PRKN: variants seen among roughly 807,000 people sequenced by gnomAD.
PRKN encodes the protein parkin RBR E3 ubiquitin protein ligase.
A neutral mutation model predicts 59.5 loss-of-function variants in PRKN; 56 were observed. The observed-to-expected ratio is 0.94, with a 90% CI of 0.76 to 1.18. The LOEUF is 1.18. Among genes scored for constraint, PRKN ranks in the 50% most tolerant of loss-of-function variants. The probability of loss-of-function intolerance (pLI) is 0.00; values close to 1 mark genes in which losing one functional copy is unlikely to be tolerated. For synonymous variants in PRKN, 250 were observed against 222.1 expected, an observed-to-expected ratio of 1.13 and a Z score of -1.12; for missense variants, 657 against 596.4, an observed-to-expected ratio of 1.10 and a Z score of -1.06.
intron 2 of PRKN, among the ~76,000 whole-genome samples, chr6:162,404,574 GT>G (rs1787968260): frequency 7.0e-6 from 1 of 141,970 alleles, no homozygotes; most frequent in African/African-American, 3.1e-5. Context: ...TTTTTGGTTT[GT>G]TTGTTTCACT....
chr6:161,888,525 G>A (rs1795233777), intron 6 of PRKN, among the ~76,000 whole-genome samples: 1 of 152,154 alleles, frequency 6.6e-6, no homozygotes, highest in Admixed American at 6.5e-5. Context: ...ATCTCTGGGA[G>A]TTGCTCTTGC....
intron 9 of PRKN, among the ~76,000 whole-genome samples, chr6:161,422,181 G>A (rs1366732176): frequency 6.7e-6 from 1 of 150,194 alleles, no homozygotes; most frequent in African/African-American, 2.5e-5. Flanking sequence ...ACCGACTAAG[G>A]AAACACAAAT....
chr6:162,448,206 A>G (rs1239918318), intron 1 of PRKN, among the ~76,000 whole-genome samples: 1 of 152,026 alleles, frequency 6.6e-6, no homozygotes. Context: ...CGGCAACACA[A>G]AAGTAACTCC....
intron 2 of PRKN, among the ~76,000 whole-genome samples, chr6:162,310,253 G>A (rs76577973): frequency 0.017 from 2,572 of 152,174 alleles, 75 homozygotes; most frequent in African/African-American, 0.058. Flanking sequence ...CTGATCCACC[G>A]TCTCATGTCC....
At chr6:161,777,491 G>A (rs1014013328) in intron 7 of PRKN, among the ~76,000 whole-genome samples, 2 of 151,568 alleles carry the variant, frequency 1.3e-5, no homozygotes, top group South Asian at 2.1e-4. Context: ...AAAACTAGAC[G>A]ATGGAAACAG....
At chr6:162,526,917 T>A (rs1199814510) in intron 1 of PRKN, among the ~76,000 whole-genome samples, 1 of 152,092 alleles carries the variant, frequency 6.6e-6, no homozygotes, top group Admixed American at 6.6e-5. Flanking sequence ...GATGGGTCAC[T>A]CCCTAAGTAT....
chr6:162,203,691 A>G (rs139172031), intron 3 of PRKN, among the ~76,000 whole-genome samples: 3 of 152,310 alleles, frequency 2.0e-5, no homozygotes, highest in African/African-American at 7.2e-5. Flanking sequence ...GGCAATTCCA[A>G]AAATGACCTG....
intron 6 of PRKN, among the ~76,000 whole-genome samples, chr6:161,837,229 T>A (rs1441473980): frequency 1.3e-5 from 2 of 151,824 alleles, no homozygotes; most frequent in African/African-American, 4.8e-5. Context: ...TGGAAAATGG[T>A]GTTGTCTGAA....
rs953015441 is a variant in PRKN at position 162,449,869 on chromosome 6, GA to G, written c.8-6397del. 3.6e-4 allele frequency among the ~76,000 whole-genome samples: 55 copies of G among 152,140 alleles called. 1 individual carries two copies. In the Middle Eastern group the frequency reaches 0.01, roughly 28 times the overall value. On this transcript the variant is annotated intron_variant, in intron 1 of 11. Coordinates refer to ENST00000366898, the MANE Select transcript of PRKN (RefSeq NM_004562.3). ...GATTCTTGAAAAGCCATAGAAGAGT[GA>G]ACAAAAAAAATGAAGATTTCTAGTT... is the stretch of plus-strand genomic sequence containing the variant.
Position 161,561,268 on chromosome 6 carries a change from T to C in PRKN, c.933+8087A>G, listed in dbSNP as rs1045086407. On this transcript the variant is annotated intron_variant, in intron 8 of 11. Coordinates refer to ENST00000366898, the MANE Select transcript of PRKN (RefSeq NM_004562.3). This position sits in a 1 kb window ranked among gnomAD's most constrained non-coding sequence, Gnocchi z 5.0. ...ATAATTAGTAGAATTAGGATAACAG[T>C]GAAGTAGTTATAGAAGAAAATGAAT... Among the ~76,000 whole-genome samples, 2 of 152,194 alleles carry C rather than the reference T, an allele frequency of 1.3e-5. No individual in the cohort carries two copies. The highest frequency in any genetic ancestry group is 2.9e-5 in the Non-Finnish European group (2 of 68,034).
intron 7 of PRKN, among the ~76,000 whole-genome samples, chr6:161,636,336 G>T (rs1582924218): frequency 6.6e-6 from 1 of 152,254 alleles, no homozygotes; most frequent in African/African-American, 2.4e-5. Flanking sequence ...GGGCCAGAGG[G>T]CAGGAGCAGC....
intron 4 of PRKN, among the ~76,000 whole-genome samples, chr6:162,158,420 T>TGG (rs765336566): frequency 0.04 from 3,144 of 78,374 alleles, 71 homozygotes; most frequent in Middle Eastern, 0.053. Flanking sequence ...GTTTGCGTTT[T>TGG]TTTTTTTTTT....
chr6:162,088,426 C>G (rs1779342880), intron 4 of PRKN, among the ~76,000 whole-genome samples: 2 of 152,064 alleles, frequency 1.3e-5, no homozygotes, highest in Admixed American at 1.3e-4. Flanking sequence ...GATATTTTGT[C>G]AATTTTCTAA....
intron 3 of PRKN, among the ~76,000 whole-genome samples, chr6:162,216,884 A>C (rs1323386427): frequency 6.6e-6 from 1 of 152,176 alleles, no homozygotes. Flanking sequence ...TTTGGGGGTA[A>C]AATCAGGGTT....
chr6:162,127,411 A>C (rs1781168396), intron 4 of PRKN, among the ~76,000 whole-genome samples: 1 of 152,244 alleles, frequency 6.6e-6, no homozygotes, highest in African/African-American at 2.4e-5. Context: ...TGCAAACCAA[A>C]GGAAACTTAA....
chr6:162,633,036 T>A (rs187900663), intron 1 of PRKN, among the ~76,000 whole-genome samples: 27 of 152,264 alleles, frequency 1.8e-4, no homozygotes, highest in Admixed American at 1.2e-3. Flanking sequence ...TTATACTTTA[T>A]GCATGTATTA....
chr6:162,136,255 C>T (rs1418696608), intron 4 of PRKN, among the ~76,000 whole-genome samples: 1 of 151,862 alleles, frequency 6.6e-6, no homozygotes, highest in Non-Finnish European at 1.5e-5. Flanking sequence ...AAAGGAACAT[C>T]CAGGAAAAAC....
intron 2 of PRKN, among the ~76,000 whole-genome samples, chr6:162,384,756 C>T (rs565581778): frequency 2.0e-5 from 3 of 151,478 alleles, no homozygotes; most frequent in Non-Finnish European, 2.9e-5. Flanking sequence ...ATTTATTACA[C>T]GCTGCATTTC....
chr6:161,597,608 G>A (rs1037761566), intron 7 of PRKN, among the ~76,000 whole-genome samples: 2 of 147,618 alleles, frequency 1.4e-5, no homozygotes, highest in Non-Finnish European at 3.1e-5. Flanking sequence ...CTCCACCCCC[G>A]ACTCTCTCTC....
Sources: allele counts gnomAD v4.1 joint callset (sites outside exome capture counted in the v4.1 genomes callset), GRCh38; gene constraint gnomAD v4.1.1; non-coding constraint Gnocchi (gnomAD v3.1); transcripts MANE v1.5; gene names NCBI Gene and HGNC (gene_info 2026-07-23, HGNC 2026-07-21).